SETDB1: variants seen among roughly 807,000 people sequenced by gnomAD.
SETDB1 encodes the protein SET domain bifurcated histone lysine methyltransferase 1.
A neutral mutation model predicts 137.4 loss-of-function variants in SETDB1; 31 were observed. The observed-to-expected ratio is 0.23, with a 90% CI of 0.17 to 0.30. SETDB1 has a LOEUF of 0.30. SETDB1 is among the 10% of genes least tolerant of loss of function. SETDB1 has a pLI of 1.00. For synonymous variants in SETDB1, 548 were observed against 579.9 expected (o/e 0.95, Z 0.79); for missense variants, 1,113 against 1,631.5 (o/e 0.68, Z 5.47).
intron 21 of SETDB1, 24 bp from the exon 22 acceptor site, chr1:150,964,223 C>G (rs1295436208): frequency 6.2e-7 from 1 of 1,600,852 alleles, no homozygotes; most frequent in East Asian, 2.2e-5. Flanking sequence ...CTTTGCCACA[C>G]ACCATCCTTT....
chr1:150,941,242 T>C (rs1401131853), intron 4 of SETDB1, 87 bp from the exon 5 acceptor site: 3 of 725,674 alleles, frequency 4.1e-6, no homozygotes, highest in Non-Finnish European at 7.2e-6. Flanking sequence ...TTTTGTTTTG[T>C]GAAATACAAG....
chr1:150,949,260 C>G lies in SETDB1; in HGVS notation c.1406C>G (p.Pro469Arg), dbSNP rs1045601915. ...TTCCCACCTGCTCCACCTCTATCCC[C>G]CCAAGCAGGTGACAGTGAGTGAGTG... is the stretch of plus-strand genomic sequence containing the variant. ...PPFPPAPPLSPQAGDSESLES... is the reference protein window; with the variant it reads ...PPFPPAPPLSRQAGDSESLES... The change falls in exon 11 of 22, where the codon CCC becomes CGC. Residue 469 changes from proline to arginine, a missense_variant. Physicochemically the swap from Pro to Arg is moderately radical, Grantham distance 103. Transcript: ENST00000692827. The G allele has an allele frequency of 6.2e-7, 1 of 1,613,676 alleles. No individual in the cohort carries two copies. The highest frequency in any genetic ancestry group is 1.3e-5 in the African/African-American group (1 of 74,896).
chr1:150,930,039 C>G lies in SETDB1; in HGVS notation c.333C>G (p.Ser111Arg). The G allele has an allele frequency of 3.1e-6, 5 of 1,613,704 alleles. No homozygotes were observed. Among genetic ancestry groups the G allele is most frequent in the Non-Finnish European group, 4.2e-6 (5 of 1,179,620 alleles). The change falls in exon 3 of 22, where the codon AGC (serine) becomes AGG (arginine). Residue 111 changes from serine to arginine, a missense_variant. Coordinates refer to ENST00000692827, the MANE Select transcript of SETDB1 (RefSeq NM_001366418.1). ...TGGGACTACAATACCGGGACAGTAG[C>G]TCTGAGGACGAATCTTCCCGGCCTA... Reference protein sequence around the residue: ...SKLGLQYRDSSSEDESSRPTE... With the variant: ...SKLGLQYRDSRSEDESSRPTE...
Position 150,961,034 on chromosome 1 carries a change from G to A in SETDB1, c.2975G>A (p.Ser992Asn). Residue 992 changes from serine to asparagine, a missense_variant, in exon 16 of 22, where the codon AGT (serine) becomes AAT (asparagine). This residue lies in a region of SETDB1 where 373 missense variants were observed against 412.7 expected (regional missense o/e 0.90). Transcript: ENST00000692827. ...VASWLSCNSVSEGGFADSDSH... is the reference protein window; with the variant it reads ...VASWLSCNSVNEGGFADSDSH... Reference sequence around the variant, plus strand: ...TCATGGTTGAGCTGCAATAGTGTCAGTGAAGGTGGTTTTGCTGACTCTGAT... The same window carrying A: ...TCATGGTTGAGCTGCAATAGTGTCAATGAAGGTGGTTTTGCTGACTCTGAT... The A allele has an allele frequency of 6.2e-7, 1 of 1,612,754 alleles. No individual in the cohort carries two copies. The highest frequency in any genetic ancestry group is 8.5e-7 in the Non-Finnish European group (1 of 1,179,258).
At chr1:150,959,121 AT>A in intron 14 of SETDB1, 56 bp from the exon 15 acceptor site, 3 of 1,266,580 alleles carry the variant, frequency 2.4e-6, no homozygotes, top group East Asian at 2.7e-5. Context: ...AGTTTTATGG[AT>A]TTTTTTGTGC....
intron 14 of SETDB1, among the ~76,000 whole-genome samples, chr1:150,954,696 A>G (rs779059617): frequency 6.6e-6 from 1 of 152,248 alleles, no homozygotes; most frequent in Non-Finnish European, 1.5e-5. Context: ...CTAGATAGCA[A>G]TTGGAGAATC....
intron 2 of SETDB1, 84 bp downstream of exon 2, chr1:150,928,058 C>A: frequency 1.4e-6 from 2 of 1,462,616 alleles, no homozygotes; most frequent in Non-Finnish European, 9.4e-7. Flanking sequence ...TTGAACCAAG[C>A]ATTTTATTTT....
intron 12 of SETDB1, among the ~76,000 whole-genome samples, chr1:150,950,245 G>A (rs1670457057): frequency 6.6e-6 from 1 of 151,640 alleles, no homozygotes; most frequent in South Asian, 2.1e-4. Flanking sequence ...AAAAAAAAAA[G>A]AGAAATAGAG....
chr1:150,933,368 C>CTTTTTTTTTTTTTTTTTT lies in SETDB1; in HGVS notation c.412+3267_412+3268insTTTTTTTTTTTTTTTTTT, dbSNP rs71090112. Among the ~76,000 whole-genome samples the CTTTTTTTTTTTTTTTTTT allele has an allele frequency of 5.5e-4, 65 of 118,836 alleles. 1 individual carries two copies. The highest frequency in any genetic ancestry group is 1.3e-3 in the Admixed American group (13 of 9,970). 78.0% of individuals were successfully genotyped at this position (118,836 alleles called of 152,430 possible). ...AGCTACCATGCCTGGCCTATTTTGT[C>CTTTTTTTTTTTTTTTTTT]TTTTTTTTTTTTTTTTTGAGACAGT... On this transcript the variant is annotated intron_variant, in intron 3 of 21. Transcript: ENST00000692827.
chr1:150,927,608 C>T (rs768343015), intron 1 of SETDB1, 96 bp from the exon 2 acceptor site: 349 of 1,047,370 alleles, frequency 3.3e-4, no homozygotes, highest in Non-Finnish European at 4.3e-4. Context: ...TAACAGGCAG[C>T]AGAGTAGGAA....
chr1:150,961,998 T>C (rs587629771), intron 16 of SETDB1, 132 bp from the exon 17 acceptor site: 3 of 1,066,024 alleles, frequency 2.8e-6, no homozygotes, highest in East Asian at 4.8e-5. Context: ...TGCAGAGTGG[T>C]TTACCCACCC....
intron 3 of SETDB1, among the ~76,000 whole-genome samples, chr1:150,935,996 C>CT (rs1283371297): frequency 2.0e-5 from 3 of 151,732 alleles, no homozygotes; most frequent in Admixed American, 6.6e-5. Flanking sequence ...TTATTCTTTT[C>CT]TTTTTTTTGA....
rs1196573569 is a variant in SETDB1 at position 150,949,102 on chromosome 1, C to A, written c.1268-20C>A. 1 of 1,606,068 alleles carries A rather than the reference C, an allele frequency of 6.2e-7. No individual in the cohort carries two copies. Among genetic ancestry groups the A allele is most frequent in the African/African-American group, 1.3e-5 (1 of 74,786 alleles). The stretch of plus-strand genomic sequence containing the variant: ...TCATAGCTATCATCTTCTCAGTGCT[C>A]AATTTCCTTTTTCCTATAGGTGCTG... On this transcript the variant is annotated intron_variant, in intron 10 of 21. Transcript: ENST00000692827.
chr1:150,944,443 A>C (rs758398489), intron 8 of SETDB1, among the ~76,000 whole-genome samples: 1 of 152,222 alleles, frequency 6.6e-6, no homozygotes, highest in Non-Finnish European at 1.5e-5. Flanking sequence ...GCAGACTCCT[A>C]TGGAAACAAT....
chr1:150,946,796 G>C lies in SETDB1; in HGVS notation c.1141-90G>C, dbSNP rs1255196755. On this transcript the variant is annotated intron_variant, in intron 9 of 21. Transcript: ENST00000692827. ...AGGCTCATCAGGGAGGATTCCCAGA[G>C]GTGACACATGGTATATATCCTCTAC... The C allele has an allele frequency of 3.4e-6, 5 of 1,470,464 alleles. No individual in the cohort carries two copies. In the East Asian group the frequency reaches 9.2e-5, roughly 27 times the overall value. The allele number at this position is 1,470,464 out of a possible 1,614,324, so 91.1% of individuals were successfully genotyped here.
At chr1:150,944,174 T>G (rs1174390375) in intron 8 of SETDB1, among the ~76,000 whole-genome samples, 181 bp downstream of exon 8, 2 of 152,192 alleles carry the variant, frequency 1.3e-5, no homozygotes, top group Non-Finnish European at 2.9e-5. Context: ...GTTTTATTGT[T>G]CATCTCCAGG....
At chr1:150,948,322 G>A (rs1470455280) in intron 10 of SETDB1, among the ~76,000 whole-genome samples, 1 of 149,238 alleles carries the variant, frequency 6.7e-6, no homozygotes, top group Non-Finnish European at 1.5e-5. Flanking sequence ...CCAGGCTGGA[G>A]TGCAGTGGCA....
At chr1:150,956,040 C>G (rs1205109290) in intron 14 of SETDB1, among the ~76,000 whole-genome samples, 1 of 142,174 alleles carries the variant, frequency 7.0e-6, no homozygotes, top group African/African-American at 2.7e-5. Flanking sequence ...TGCAGTGAGC[C>G]GAGATTGCAC....
intron 10 of SETDB1, among the ~76,000 whole-genome samples, chr1:150,948,416 G>A (rs1007745252): frequency 4.0e-5 from 6 of 151,628 alleles, no homozygotes; most frequent in Non-Finnish European, 8.8e-5. Context: ...GGTTACAGGC[G>A]ACTGCTACCA....
Sources: allele counts gnomAD v4.1 joint callset (sites outside exome capture counted in the v4.1 genomes callset), GRCh38; gene constraint gnomAD v4.1.1; regional missense constraint gnomAD v4.1.1; transcripts MANE v1.5; gene names NCBI Gene and HGNC (gene_info 2026-07-23, HGNC 2026-07-21).